Variants in ADAMTS19 observed in about 807,000 individuals in gnomAD.
ADAMTS19 encodes the protein ADAM metallopeptidase with thrombospondin type 1 motif 19.
A neutral mutation model predicts 153.3 loss-of-function variants in ADAMTS19; 93 were observed. That is an observed-to-expected ratio of 0.61 (90% CI 0.51 to 0.72). The LOEUF (loss-of-function observed/expected upper bound fraction) is 0.72. Ranked by LOEUF, ADAMTS19 falls within the 30% of genes least tolerant of loss-of-function variation. The pLI, the probability that ADAMTS19 is intolerant of heterozygous loss-of-function variation, is 0.00. For synonymous variants in ADAMTS19, 600 were observed against 556.6 expected, an observed-to-expected ratio of 1.08 and a Z score of -1.10; for missense variants, 1,482 against 1,552.1, an observed-to-expected ratio of 0.95 and a Z score of 0.76.
At chr5:129,708,606 A>G (rs985056238) in intron 21 of ADAMTS19, among the ~76,000 whole-genome samples, 1 of 151,180 alleles carries the variant, frequency 6.6e-6, no homozygotes, top group African/African-American at 2.4e-5. Flanking sequence ...AAAAAAAAAA[A>G]AAAAAAAAGA....
intron 8 of ADAMTS19, among the ~76,000 whole-genome samples, chr5:129,610,124 T>G (rs547427517): frequency 6.6e-6 from 1 of 151,318 alleles, no homozygotes; most frequent in African/African-American, 2.4e-5. Flanking sequence ...TTATTTAAAA[T>G]TAACCAGAAA....
At chr5:129,625,015 A>G (rs1434972311) in intron 10 of ADAMTS19, among the ~76,000 whole-genome samples, 1 of 127,038 alleles carries the variant, frequency 7.9e-6, no homozygotes, top group Non-Finnish European at 1.6e-5. Flanking sequence ...GCCCTGGTGT[A>G]TGATATTTTC....
At position 129,701,490 on chromosome 5, in the gene ADAMTS19, T is replaced by G. The variant is rs2127160958; in HGVS notation, c.3057T>G (p.Ile1019Met). 1 of 1,614,188 alleles carries G rather than the reference T, an allele frequency of 6.2e-7. No homozygotes were observed. The highest frequency in any genetic ancestry group is 8.5e-7 in the Non-Finnish European group (1 of 1,180,034). ...CTQQLSNGTL[I>M]RARERDCIGP... ...AACAACTGAGCAATGGAACACTGAT[T>G]AGAGCCCGAGAGAGGGACTGCATTG... is the stretch of plus-strand genomic sequence containing the variant. The change falls in exon 20 of 23, where the codon ATT (isoleucine) becomes ATG (methionine). Residue 1019 changes from isoleucine (I) to methionine (M), a missense_variant. Transcript: ENST00000274487.
At chr5:129,645,400 C>G (rs1309493646) in intron 11 of ADAMTS19, among the ~76,000 whole-genome samples, 2 of 152,074 alleles carry the variant, frequency 1.3e-5, no homozygotes, top group Non-Finnish European at 2.9e-5. Flanking sequence ...TAACACTTTC[C>G]TCATTGTTGA....
At chr5:129,484,139 C>G (rs1224190841) in intron 2 of ADAMTS19, among the ~76,000 whole-genome samples, 1 of 152,116 alleles carries the variant, frequency 6.6e-6, no homozygotes. Flanking sequence ...ACATCCTCAT[C>G]ATCCTTTTTA....
At chr5:129,506,498 A>G (rs992221315) in intron 2 of ADAMTS19, among the ~76,000 whole-genome samples, 4 of 151,970 alleles carry the variant, frequency 2.6e-5, no homozygotes, top group Non-Finnish European at 5.9e-5. Context: ...GGTTAGTTAC[A>G]TATGTATACG....
chr5:129,580,562 A>G (rs1334964977), intron 7 of ADAMTS19, among the ~76,000 whole-genome samples: 4 of 152,228 alleles, frequency 2.6e-5, no homozygotes, highest in Non-Finnish European at 4.4e-5. Context: ...TGATATTGGC[A>G]GTGGGTTTTT....
chr5:129,699,312 A>G (rs1452710301), intron 19 of ADAMTS19, among the ~76,000 whole-genome samples: 1 of 151,974 alleles, frequency 6.6e-6, no homozygotes, highest in African/African-American at 2.4e-5. Context: ...AAGCCCAGCT[A>G]CTTGGGAGGC....
At chr5:129,707,343 G>A (rs1286258454) in intron 21 of ADAMTS19, among the ~76,000 whole-genome samples, 1 of 152,162 alleles carries the variant, frequency 6.6e-6, no homozygotes, top group Non-Finnish European at 1.5e-5. Context: ...AGAAGATCCA[G>A]TAAATAGTGC....
chr5:129,649,635 T>TGCGG lies in ADAMTS19; in HGVS notation c.2176+665_2176+666insGCGG, dbSNP rs562000094. Among the ~76,000 whole-genome samples, 210 of 152,216 alleles carry TGCGG rather than the reference T, an allele frequency of 1.4e-3. 1 individual carries two copies. Among genetic ancestry groups the TGCGG allele is most frequent in the African/African-American group, 3.8e-3 (157 of 41,544 alleles). Reference sequence around the variant, plus strand: ...AAGATCTTTGTGCTAATGAATAGTTTCAGACCTTGATTGCGGCAGTGGTTG... The same window carrying TGCGG: ...AAGATCTTTGTGCTAATGAATAGTTTGCGGCAGACCTTGATTGCGGCAGTGGTTG... On this transcript the variant is annotated intron_variant, in intron 13 of 22. Transcript: ENST00000274487.
At chr5:129,472,774 A>T (rs1750109322) in intron 2 of ADAMTS19, among the ~76,000 whole-genome samples, 1 of 150,652 alleles carries the variant, frequency 6.6e-6, no homozygotes, top group African/African-American at 2.4e-5. Flanking sequence ...TATTTATGTT[A>T]TTATATTTCT....
At chr5:129,649,945 A>G (rs776769705) in intron 13 of ADAMTS19, among the ~76,000 whole-genome samples, 6 of 152,214 alleles carry the variant, frequency 3.9e-5, no homozygotes, top group Non-Finnish European at 8.8e-5. Context: ...TGGGAGGCCA[A>G]GGCAAACAGA....
In ADAMTS19 at chr5:129,704,307, T is replaced by C. The variant is rs34160821; in HGVS notation, c.3228T>C (p.Cys1076=). ...TVRCTNPRKK[C]VLSTRPREAE... ...GATGTACCAACCCAAGAAAGAAGTG[T>C]GTCCTCTCTACCAGACCCAGGGAGG... The change falls in exon 21 of 23, where the codon TGT becomes TGC. Residue 1076 remains cysteine (C), a synonymous_variant. Transcript: ENST00000274487. 825 of 1,614,114 alleles carry C rather than the reference T, an allele frequency of 5.1e-4. No homozygotes were observed. The African/African-American group carries it at 8.8e-3, about 17-fold the overall frequency.
rs563199267 is a variant in ADAMTS19 at position 129,690,706 on chromosome 5, G to C, written c.2819-4014G>C. Among the ~76,000 whole-genome samples the C allele has an allele frequency of 3.9e-5, 6 of 152,094 alleles. No individual in the cohort carries two copies. The East Asian group carries it at 1.2e-3, about 29-fold the overall frequency. On this transcript the variant is annotated intron_variant, in intron 18 of 22. Transcript: ENST00000274487. ...ATAATCAGCATTTTACAAAGATCTAGGAAGCGCTCAGAGAAAAGTCCTTCA... is the reference window on the plus strand; with the variant it reads ...ATAATCAGCATTTTACAAAGATCTACGAAGCGCTCAGAGAAAAGTCCTTCA...
At chr5:129,662,677 A>G (rs1396941478) in intron 15 of ADAMTS19, among the ~76,000 whole-genome samples, 1 of 151,958 alleles carries the variant, frequency 6.6e-6, no homozygotes, top group Admixed American at 6.6e-5. Flanking sequence ...TGCTCCCAAC[A>G]CTTTGCTGAA....
intron 15 of ADAMTS19, among the ~76,000 whole-genome samples, chr5:129,663,194 C>T (rs969059862): frequency 2.0e-5 from 3 of 152,004 alleles, no homozygotes; most frequent in Non-Finnish European, 2.9e-5. Context: ...ACGCCCGGCC[C>T]CATTCCTTTA....
At chr5:129,573,303 G>T (rs578014797) in intron 7 of ADAMTS19, among the ~76,000 whole-genome samples, 1 of 151,956 alleles carries the variant, frequency 6.6e-6, no homozygotes, top group South Asian at 2.1e-4. Context: ...CTATTTCTTC[G>T]TTGTTCCTTT....
At chr5:129,695,950 A>G (rs1026635148) in intron 19 of ADAMTS19, among the ~76,000 whole-genome samples, 11 of 152,160 alleles carry the variant, frequency 7.2e-5, no homozygotes, top group African/African-American at 2.7e-4. Flanking sequence ...GCAGTTTATA[A>G]CTGATATAAC....
At chr5:129,492,216 C>T (rs148704245) in intron 2 of ADAMTS19, among the ~76,000 whole-genome samples, 5 of 152,104 alleles carry the variant, frequency 3.3e-5, no homozygotes, top group East Asian at 3.9e-4. Context: ...TTTAAATGTG[C>T]GGCAGATCTC....
Sources: allele counts gnomAD v4.1 joint callset (sites outside exome capture counted in the v4.1 genomes callset), GRCh38; gene constraint gnomAD v4.1.1; transcripts MANE v1.5; gene names NCBI Gene and HGNC (gene_info 2026-07-23, HGNC 2026-07-21).